SHISA9: variants seen among roughly 807,000 people sequenced by gnomAD.
SHISA9 encodes shisa family member 9, also known as protein shisa-9.
A neutral mutation model predicts 38.0 loss-of-function variants in SHISA9; 13 were observed. The ratio of observed to expected loss-of-function variants is 0.34; its 90% CI spans 0.22 to 0.54. The LOEUF (loss-of-function observed/expected upper bound fraction) is 0.54, where lower values mean the gene tolerates loss of function less well. Ranked by LOEUF, SHISA9 falls within the 20% of genes least tolerant of loss-of-function variation. The probability of loss-of-function intolerance (pLI) is 0.91; values close to 1 mark genes in which losing one functional copy is unlikely to be tolerated. For missense variants in SHISA9, 538 were observed against 575.8 expected, an observed-to-expected ratio of 0.93 and a Z score of 0.67; for synonymous variants, 275 against 242.0, an observed-to-expected ratio of 1.14 and a Z score of -1.27.
At chr16:13,063,189 G>A (rs1346797713) in intron 2 of SHISA9, among the ~76,000 whole-genome samples, 3 of 152,030 alleles carry the variant, frequency 2.0e-5, no homozygotes, top group African/African-American at 7.2e-5. Flanking sequence ...TGTATTTTTA[G>A]TTGAGACGGG....
chr16:12,943,069 A>G (rs1405693129), intron 2 of SHISA9, among the ~76,000 whole-genome samples: 1 of 151,934 alleles, frequency 6.6e-6, no homozygotes, highest in Non-Finnish European at 1.5e-5. Context: ...GAGAGAGCAC[A>G]TTTCCCTACA....
chr16:13,233,866 A>G (rs1337644473), intron 4 of SHISA9, among the ~76,000 whole-genome samples: 3 of 152,116 alleles, frequency 2.0e-5, no homozygotes, highest in Non-Finnish European at 2.9e-5. Flanking sequence ...AAATACAAAA[A>G]TTAGCCTAGT....
At position 12,902,041 on chromosome 16, in the gene SHISA9, G is replaced by A; in HGVS notation, c.-24G>A. On this transcript the variant is annotated 5_prime_UTR_variant, in exon 1 of 5. Transcript: ENST00000558583. ...CAGAGGCTCCAGCGGCGGCCGAGCGGCCGAGCCCGGGCTGGGAGACACCAT... is the reference window on the plus strand; with the variant it reads ...CAGAGGCTCCAGCGGCGGCCGAGCGACCGAGCCCGGGCTGGGAGACACCAT... The A allele has an allele frequency of 1.4e-6, 2 of 1,445,848 alleles. No homozygotes were observed. Among genetic ancestry groups the A allele is most frequent in the Non-Finnish European group, 1.8e-6 (2 of 1,106,380 alleles). The allele number at this position is 1,445,848 out of a possible 1,614,324, so 89.6% of individuals were successfully genotyped here.
intron 2 of SHISA9, among the ~76,000 whole-genome samples, chr16:12,918,360 G>A (rs890533345): frequency 6.6e-6 from 1 of 152,176 alleles, no homozygotes; most frequent in Admixed American, 6.5e-5. Context: ...TGATCACAGA[G>A]CAGAGAAATT....
chr16:13,285,528 A>C, the SHISA9 span, among the ~76,000 whole-genome samples: 1 of 143,712 alleles, frequency 7.0e-6, no homozygotes, highest in African/African-American at 2.7e-5. Flanking sequence ...ATTTACTTTA[A>C]CGTATGTGGG....
At chr16:13,553,694 C>T in the SHISA9 span, among the ~76,000 whole-genome samples, 1 of 151,876 alleles carries the variant, frequency 6.6e-6, no homozygotes, top group Non-Finnish European at 1.5e-5. Flanking sequence ...AAAAAAAAAT[C>T]GTGCAACTGA....
chr16:13,127,351 GAGA>G (rs997343647), intron 2 of SHISA9, among the ~76,000 whole-genome samples: 2 of 137,214 alleles, frequency 1.5e-5, no homozygotes, highest in African/African-American at 5.5e-5. Flanking sequence ...GTGAGGGAGG[GAGA>G]AGGAGGGAAG....
At chr16:12,943,570 C>T (rs2071651043) in intron 2 of SHISA9, among the ~76,000 whole-genome samples, 2 of 152,086 alleles carry the variant, frequency 1.3e-5, no homozygotes, top group Non-Finnish European at 2.9e-5. Context: ...GATGTGTAAA[C>T]TGCCTTAATA....
chr16:12,982,808 C>G (rs1039581917), intron 2 of SHISA9, among the ~76,000 whole-genome samples: 4 of 152,128 alleles, frequency 2.6e-5, no homozygotes, highest in Non-Finnish European at 5.9e-5. Flanking sequence ...GCCCTGGTAC[C>G]TGGAAAGAAT....
At chr16:13,417,575 A>G in the SHISA9 span, among the ~76,000 whole-genome samples, 3 of 152,238 alleles carry the variant, frequency 2.0e-5, no homozygotes, top group Non-Finnish European at 2.9e-5. Context: ...CTTCACTGTC[A>G]GTGTCTTGCA....
chr16:13,364,981 A>T, the SHISA9 span, among the ~76,000 whole-genome samples: 12 of 152,172 alleles, frequency 7.9e-5, no homozygotes, highest in African/African-American at 1.2e-4. Flanking sequence ...GAGCCTATGA[A>T]GCTGAGTCCA....
intron 2 of SHISA9, among the ~76,000 whole-genome samples, chr16:13,024,003 A>G (rs1350230371): frequency 1.3e-5 from 2 of 152,226 alleles, no homozygotes; most frequent in East Asian, 1.9e-4. Context: ...AGGCTGAGGA[A>G]CAGAAGAAAG....
chr16:13,324,408 A>G, the SHISA9 span, among the ~76,000 whole-genome samples: 1 of 152,056 alleles, frequency 6.6e-6, no homozygotes, highest in African/African-American at 2.4e-5. Context: ...TCTAGCATCT[A>G]TTCTGCCACT....
At chr16:13,032,255 A>G (rs1011570538) in intron 2 of SHISA9, among the ~76,000 whole-genome samples, 1 of 151,980 alleles carries the variant, frequency 6.6e-6, no homozygotes, top group Non-Finnish European at 1.5e-5. Context: ...ATTCCCACTT[A>G]TGAGTGAGAA....
At chr16:13,454,299 A>G in the SHISA9 span, among the ~76,000 whole-genome samples, 1 of 152,214 alleles carries the variant, frequency 6.6e-6, no homozygotes, top group Non-Finnish European at 1.5e-5. Flanking sequence ...GGAGATGAGG[A>G]TATAGGCAGA....
chr16:13,186,288 CTTTTTTTTTTT>C (rs113608898), intron 2 of SHISA9, among the ~76,000 whole-genome samples: 1 of 104,308 alleles, frequency 9.6e-6, no homozygotes, highest in Non-Finnish European at 1.9e-5. Flanking sequence ...CCATCTTAAC[CTTTTTTTTTTT>C]TTTTTTTTTT....
intron 1 of SHISA9, among the ~76,000 whole-genome samples, chr16:12,914,147 G>C (rs950508255): frequency 2.9e-4 from 44 of 150,320 alleles, no homozygotes; most frequent in Non-Finnish European, 3.7e-4. Flanking sequence ...CCGGGTTCAA[G>C]CAATTGTCCT....
At chr16:13,334,425 C>T in the SHISA9 span, among the ~76,000 whole-genome samples, 1 of 152,142 alleles carries the variant, frequency 6.6e-6, no homozygotes, top group Non-Finnish European at 1.5e-5. Context: ...TTACTCTTCT[C>T]CTCTGTAGAA....
intron 2 of SHISA9, among the ~76,000 whole-genome samples, chr16:13,172,630 C>T (rs141008727): frequency 1.3e-5 from 2 of 152,154 alleles, no homozygotes; most frequent in Non-Finnish European, 2.9e-5. Context: ...CAAGAAGAGC[C>T]GTCGTTGAGT....
Sources: gnomAD v4.1 joint callset for allele counts (sites outside exome capture counted in the v4.1 genomes callset) on GRCh38, gnomAD v4.1.1 for gene constraint, MANE v1.5 for transcripts, NCBI Gene and HGNC (gene_info 2026-07-23, HGNC 2026-07-21) for gene names.